CENATAC: variants seen among roughly 807,000 people sequenced by gnomAD.
CENATAC encodes centrosomal AT-AC splicing factor.
In CENATAC, 53 loss-of-function variants were observed where a neutral mutation model predicts 53.7. That is an observed-to-expected ratio of 0.99 (90% CI 0.79 to 1.24). The LOEUF (loss-of-function observed/expected upper bound fraction) is 1.24. Ranked by LOEUF, CENATAC falls within the 50% of genes most tolerant of loss-of-function variation. CENATAC has a pLI of 0.00. For missense variants in CENATAC, 474 were observed against 417.8 expected (o/e 1.13, Z -1.17); for synonymous variants, 156 against 144.6 (o/e 1.08, Z -0.57).
chr11:119,012,302 T>C (rs782686231), intron 7 of CENATAC, 48 bp downstream of exon 7: 3 of 1,598,274 alleles, frequency 1.9e-6, no homozygotes, highest in Non-Finnish European at 2.6e-6. Context: ...CCCTCAGGTC[T>C]CAGGACCCCT....
chr11:119,011,073 C>A (rs911539650), intron 4 of CENATAC, 148 bp from the exon 5 acceptor site: 2 of 680,462 alleles, frequency 2.9e-6, no homozygotes, highest in South Asian at 1.9e-5. Context: ...GGAGCTCAGG[C>A]GGCAGTGCTG....
At chr11:119,010,900 C>T in intron 4 of CENATAC, 70 bp downstream of exon 4, 1 of 1,313,460 alleles carries the variant, frequency 7.6e-7, no homozygotes, top group Non-Finnish European at 1.1e-6. Flanking sequence ...GGTTTTTCCA[C>T]AGATGGACCC....
chr11:119,010,950 G>T (rs1592072277), intron 4 of CENATAC, 120 bp downstream of exon 4: 1 of 819,232 alleles, frequency 1.2e-6, no homozygotes, highest in African/African-American at 1.7e-5. Flanking sequence ...CTCCACCTCA[G>T]ATCATCAGGC....
chr11:119,003,338 T>A (rs59138314), intron 3 of CENATAC: 3 of 533,894 alleles, frequency 5.6e-6, no homozygotes, highest in Non-Finnish European at 1.1e-5. Context: ...TACGCGGATC[T>A]TCTTTTTTTT....
intron 3 of CENATAC, among the ~76,000 whole-genome samples, chr11:119,000,518 G>C (rs1449751954): frequency 1.1e-5 from 1 of 88,448 alleles, no homozygotes; most frequent in Non-Finnish European, 2.3e-5. Context: ...AATTTTTTTT[G>C]TCCAGGCATG....
chr11:119,001,754 TAATCAAG>T (rs1274228858), intron 3 of CENATAC: 1 of 446,300 alleles, frequency 2.2e-6, no homozygotes, highest in African/African-American at 2.0e-5. Context: ...GCCTAAAGGA[TAATCAAG>T]AAACTAATGA....
intron 3 of CENATAC, among the ~76,000 whole-genome samples, chr11:119,006,386 G>A (rs1207924517): frequency 1.3e-5 from 2 of 151,720 alleles, no homozygotes; most frequent in Non-Finnish European, 1.5e-5. Context: ...ACAGGCGCCC[G>A]CCACCATGCC....
chr11:118,999,027 G>A lies in CENATAC; in HGVS notation c.301G>A (p.Ala101Thr). Residue 101 changes from alanine to threonine, a missense_variant, in exon 3 of 11, where the codon GCA (alanine) becomes ACA (threonine). Physicochemically the swap from Ala to Thr is moderately conservative, Grantham distance 58. Transcript: ENST00000334418. ...EHLASPEHKKATNKFWWENKA... is the reference protein window; with the variant it reads ...EHLASPEHKKTTNKFWWENKA... ...CATTTTCAGCCCAGAGCACAAGAAA[G>A]CAACCAACAAATTCTGGTGGGAGAA... 6.2e-7 allele frequency: 1 copy of A among 1,613,960 alleles called. No homozygotes were observed. Among genetic ancestry groups the A allele is most frequent in the South Asian group, 1.1e-5 (1 of 91,084 alleles).
In CENATAC at chr11:118,998,231, C is replaced by G; in HGVS notation, c.34C>G (p.Gln12Glu). The G allele has an allele frequency of 6.3e-7, 1 of 1,585,942 alleles. No individual in the cohort carries two copies. Among genetic ancestry groups the G allele is most frequent in the Non-Finnish European group, 8.6e-7 (1 of 1,166,506 alleles). The change falls in exon 1 of 11, where the codon CAG becomes GAG. Residue 12 changes from glutamine (Q) to glutamate (E), a missense_variant. By Grantham distance (29) the Gln-to-Glu change is conservative. Transcript: ENST00000334418. ...GGCGCAGCGCTGCCCTCTGTGCCGC[C>G]AGACCTTCTTCTGTGGTCGCGGGCA... ...APAQRCPLCRQTFFCGRGHVY... is the reference protein window; with the variant it reads ...APAQRCPLCRETFFCGRGHVY...
At chr11:119,011,476 T>C (rs1942866462) in intron 5 of CENATAC, among the ~76,000 whole-genome samples, 193 bp downstream of exon 5, 1 of 151,898 alleles carries the variant, frequency 6.6e-6, no homozygotes, top group South Asian at 2.1e-4. Flanking sequence ...CAGGTTCAGG[T>C]TCAAGCGATT....
chr11:119,014,586 G>C (rs1943054828), intron 8 of CENATAC: 1 of 154,178 alleles, frequency 6.5e-6, no homozygotes, highest in African/African-American at 2.4e-5. Context: ...AAAACAAAAG[G>C]CCAGACCCCA....
At chr11:119,014,882 C>T in intron 8 of CENATAC, 112 bp from the exon 9 acceptor site, 1 of 691,256 alleles carries the variant, frequency 1.4e-6, no homozygotes, top group South Asian at 2.2e-5. Flanking sequence ...CTGGGCTTTG[C>T]TTTTAGACAT....
At chr11:119,008,139 T>A (rs1431627793) in intron 3 of CENATAC, among the ~76,000 whole-genome samples, 3 of 152,170 alleles carry the variant, frequency 2.0e-5, no homozygotes, top group Non-Finnish European at 4.4e-5. Flanking sequence ...TGTGGGTATT[T>A]CTAGTCGGGT....
In CENATAC at chr11:119,003,342, T is replaced by C. The variant is rs529945521; in HGVS notation, c.383+4233T>C. Reference sequence around the variant, plus strand: ...AAGGCTAGTGATACGCGGATCTTCTTTTTTTTGTGGCTGTGGACACCTTTC... The same window carrying C: ...AAGGCTAGTGATACGCGGATCTTCTCTTTTTTGTGGCTGTGGACACCTTTC... On this transcript the variant is annotated intron_variant, in intron 3 of 10. Transcript: ENST00000334418. 58 of 533,912 alleles carry C rather than the reference T, an allele frequency of 1.1e-4. No individual in the cohort carries two copies. The East Asian group carries it at 2.8e-3, about 26-fold the overall frequency. The allele number at this position is 533,912 out of a possible 1,614,324, so 33.1% of individuals were successfully genotyped here.
chr11:119,013,093 G>C (rs937659952), intron 7 of CENATAC, 139 bp from the exon 8 acceptor site: 14 of 634,606 alleles, frequency 2.2e-5, no homozygotes, highest in Non-Finnish European at 3.9e-5. Flanking sequence ...TTTAACATCA[G>C]CTGGGGTGCA....
At position 119,007,935 on chromosome 11, in the gene CENATAC, A is replaced by T. The variant is rs540481061; in HGVS notation, c.384-2829A>T. On this transcript the variant is annotated intron_variant, in intron 3 of 10. Transcript: ENST00000334418. ...AGACAGTGAAAAGAAAAGGAAGACC[A>T]AAGAGCCAGCTTCTCAGGTCCTTGT... is the stretch of plus-strand genomic sequence containing the variant. Among the ~76,000 whole-genome samples the T allele has an allele frequency of 6.6e-5, 10 of 152,372 alleles. No homozygotes were observed. The South Asian group carries it at 1.7e-3, about 25-fold the overall frequency.
intron 3 of CENATAC, chr11:119,002,872 GCCT>G (rs1327677822): frequency 5.1e-5 from 15 of 296,302 alleles, no homozygotes; most frequent in Non-Finnish European, 9.3e-5. Context: ...TGCAACCTCC[GCCT>G]CACAGGTTCA....
At chr11:119,010,919 G>C in intron 4 of CENATAC, 89 bp downstream of exon 4, 2 of 1,151,618 alleles carry the variant, frequency 1.7e-6, no homozygotes, top group African/African-American at 1.5e-5. Flanking sequence ...CCAGGCAGGG[G>C]ATGGTTTCAG....
Position 118,998,242 on chromosome 11 carries a change from C to G in CENATAC, c.45C>G (p.Phe15Leu). The change falls in exon 1 of 11, where the codon TTC becomes TTG. Residue 15 changes from phenylalanine (F) to leucine (L), a missense_variant. Physicochemically the swap from Phe to Leu is conservative, Grantham distance 22. Coordinates refer to ENST00000334418, the MANE Select transcript of CENATAC (RefSeq NM_198489.3). Reference sequence around the variant, plus strand: ...GCCCTCTGTGCCGCCAGACCTTCTTCTGTGGTCGCGGGCACGTTTACAGCC... The same window carrying G: ...GCCCTCTGTGCCGCCAGACCTTCTTGTGTGGTCGCGGGCACGTTTACAGCC... ...QRCPLCRQTF[F>L]CGRGHVYSRK... The G allele has an allele frequency of 6.3e-7, 1 of 1,587,444 alleles. No individual in the cohort carries two copies. Among genetic ancestry groups the G allele is most frequent in the Non-Finnish European group, 8.6e-7 (1 of 1,166,978 alleles).
Sources: allele counts gnomAD v4.1 joint callset (sites outside exome capture counted in the v4.1 genomes callset), GRCh38; gene constraint gnomAD v4.1.1; transcripts MANE v1.5; gene names NCBI Gene and HGNC (gene_info 2026-07-23, HGNC 2026-07-21).